Variants in MYO9B observed in about 807,000 individuals in gnomAD.
MYO9B encodes myosin IXB.
In MYO9B, 71 loss-of-function variants were observed where a neutral mutation model predicts 229.5. That is an observed-to-expected ratio of 0.31 (90% CI 0.26 to 0.38). MYO9B has a LOEUF of 0.38. Ranked by LOEUF, MYO9B falls within the 10% of genes least tolerant of loss-of-function variation. The pLI, the probability that MYO9B is intolerant of heterozygous loss-of-function variation, is 1.00. For synonymous variants in MYO9B, 1,185 were observed against 1,235.8 expected, an observed-to-expected ratio of 0.96 and a Z score of 0.86; for missense variants, 2,255 against 2,920.5, an observed-to-expected ratio of 0.77 and a Z score of 5.25.
At chr19:17,112,835 C>T (rs2057861600) in intron 2 of MYO9B, among the ~76,000 whole-genome samples, 1 of 152,258 alleles carries the variant, frequency 6.6e-6, no homozygotes. Flanking sequence ...CAGCCAGGCA[C>T]TCACCCAGCC....
chr19:17,183,896 CA>C, intron 16 of MYO9B, 28 bp downstream of exon 16: 1 of 1,550,942 alleles, frequency 6.4e-7, no homozygotes, highest in East Asian at 2.3e-5. Context: ...CCCCGCGCGA[CA>C]CGTTCCAAGA....
chr19:17,147,112 A>G (rs990182005), intron 3 of MYO9B, among the ~76,000 whole-genome samples: 53 of 151,974 alleles, frequency 3.5e-4, no homozygotes, highest in Admixed American at 1.3e-4. Flanking sequence ...TGGCCCCCCA[A>G]CTCCTACCAC....
chr19:17,208,994 C>G (rs928115563), intron 35 of MYO9B, among the ~76,000 whole-genome samples: 1 of 152,088 alleles, frequency 6.6e-6, no homozygotes, highest in African/African-American at 2.4e-5. Flanking sequence ...CTGAGTCCCT[C>G]TGGTACTGAC....
intron 35 of MYO9B, 58 bp from the exon 36 acceptor site, chr19:17,209,528 C>A: frequency 1.3e-6 from 2 of 1,535,760 alleles, no homozygotes; most frequent in African/African-American, 1.4e-5. Context: ...TCTCCCTGGA[C>A]CTCAGACGTC....
intron 32 of MYO9B, 23 bp from the exon 33 acceptor site, chr19:17,206,225 G>GGGGGGCGCC: frequency 6.4e-7 from 1 of 1,564,670 alleles, no homozygotes; most frequent in Non-Finnish European, 8.7e-7. Context: ...CCGCTCACCA[G>GGGGGGCGCC]ACCCACCCCA....
At chr19:17,144,969 CAAAAAAAAAAAA>C (rs58527501) in intron 2 of MYO9B, among the ~76,000 whole-genome samples, 177 of 83,588 alleles carry the variant, frequency 2.1e-3, no homozygotes, top group African/African-American at 5.5e-3. Context: ...GACTTCATCT[CAAAAAAAAAAAA>C]AAAAAAAAAA....
chr19:17,204,379 G>A lies in MYO9B; in HGVS notation c.4991-884G>A, dbSNP rs1052574414. Among the ~76,000 whole-genome samples the A allele has an allele frequency of 2.0e-5, 3 of 149,052 alleles. No individual in the cohort carries two copies. In the East Asian group the frequency reaches 6.4e-4, roughly 32 times the overall value. On this transcript the variant is annotated intron_variant, in intron 30 of 39. Coordinates refer to ENST00000682292, the MANE Select transcript of MYO9B (RefSeq NM_004145.4). Reference sequence around the variant, plus strand: ...TTTAGACCTTTAGTTCTGCCAGTAGGTGGCCTTGGGGACTTGGGGCAAGGA... The same window carrying A: ...TTTAGACCTTTAGTTCTGCCAGTAGATGGCCTTGGGGACTTGGGGCAAGGA...
At chr19:17,093,355 A>G (rs2057656593) in intron 1 of MYO9B, among the ~76,000 whole-genome samples, 5 of 151,926 alleles carry the variant, frequency 3.3e-5, no homozygotes, top group Non-Finnish European at 5.9e-5. Flanking sequence ...AGAAAAAGAC[A>G]TATATCTTCG....
Position 17,194,870 on chromosome 19 carries a change from G to A in MYO9B, c.3443G>A (p.Arg1148His), listed in dbSNP as rs181046385. ...AAAGTCCCCAGCAGCCGGGAGAAGCGTGAGTCGCGTCGGCAAAGAGGGCTG... is the reference window on the plus strand; with the variant it reads ...AAAGTCCCCAGCAGCCGGGAGAAGCATGAGTCGCGTCGGCAAAGAGGGCTG... The part of the protein sequence containing the change: ...HEKVPSSREK[R>H]ESRRQRGLEH... The change falls in exon 22 of 40, where the codon CGT becomes CAT. Residue 1148 changes from arginine (R) to histidine (H), a missense_variant. By Grantham distance (29) the Arg-to-His change is conservative. Coordinates refer to ENST00000682292, the MANE Select transcript of MYO9B (RefSeq NM_004145.4). 2.1e-3 allele frequency: 3,313 copies of A among 1,613,314 alleles called. 6 individuals are homozygous for A. Among genetic ancestry groups the A allele is most frequent in the Middle Eastern group, 0.011 (65 of 6,062 alleles).
intron 13 of MYO9B, among the ~76,000 whole-genome samples, chr19:17,174,512 G>A (rs2072761717): frequency 6.6e-6 from 1 of 152,170 alleles, no homozygotes; most frequent in Admixed American, 6.5e-5. Context: ...GTGCATGCCT[G>A]TGGTCCCAGC....
rs143966500 is a variant in MYO9B, at chr19:17,172,936, C to G, written c.2113C>G (p.Arg705Gly). 2 of 1,598,736 alleles carry G rather than the reference C, an allele frequency of 1.3e-6. No individual in the cohort carries two copies. The highest frequency in any genetic ancestry group is 2.2e-5 in the South Asian group (2 of 91,042). ...MAVLREAGRL[R>G]AERAEKAAGM... ...AGTGCTTCGGGAGGCCGGACGCCTGCGGGCCGAGAGGGCCGAAAAGGCTGC... is the reference window on the plus strand; with the variant it reads ...AGTGCTTCGGGAGGCCGGACGCCTGGGGGCCGAGAGGGCCGAAAAGGCTGC... The change falls in exon 13 of 40, where the codon CGG (arginine) becomes GGG (glycine). Residue 705 changes from arginine to glycine, a missense_variant. Arg to Gly is a moderately radical substitution (Grantham distance 125). Coordinates refer to ENST00000682292, the MANE Select transcript of MYO9B (RefSeq NM_004145.4). The surrounding 1 kb of genome is among the most constrained non-coding windows in gnomAD (Gnocchi z 8.2).
At chr19:17,152,224 C>T (rs2072485832) in intron 3 of MYO9B, among the ~76,000 whole-genome samples, 1 of 150,288 alleles carries the variant, frequency 6.7e-6, no homozygotes, top group African/African-American at 2.4e-5. Flanking sequence ...TACCACTGCT[C>T]ACCCACTAGG....
intron 1 of MYO9B, among the ~76,000 whole-genome samples, chr19:17,084,822 T>C (rs1277555007): frequency 6.6e-6 from 1 of 151,892 alleles, no homozygotes; most frequent in South Asian, 2.1e-4. Flanking sequence ...AAACAATCGC[T>C]TGAACCCGGG....
Position 17,198,284 on chromosome 19 carries a change from C to T in MYO9B, c.4214C>T (p.Ser1405Phe). The T allele has an allele frequency of 2.5e-6, 4 of 1,613,872 alleles. No homozygotes were observed. The South Asian group carries it at 3.3e-5, about 13-fold the overall frequency. ...TCCTCCCTCCCAGACGCAGGGCTGT[C>T]CCCGGGCTCTCAGGTCGACTCTAAG... ...DASSLPDAGL[S>F]PGSQVDSKST... The change falls in exon 24 of 40, where the codon TCC becomes TTC. Residue 1405 changes from serine to phenylalanine, a missense_variant. This residue lies in a region of MYO9B where 679 missense variants were observed against 770.2 expected (regional missense o/e 0.88). Coordinates refer to ENST00000682292, the MANE Select transcript of MYO9B (RefSeq NM_004145.4).
intron 1 of MYO9B, among the ~76,000 whole-genome samples, chr19:17,096,851 G>A (rs1183405426): frequency 6.6e-6 from 1 of 150,906 alleles, no homozygotes; most frequent in African/African-American, 2.4e-5. Flanking sequence ...GACTACAGGC[G>A]CCCGCCACTG....
chr19:17,161,905 T>C (rs1568279874), intron 8 of MYO9B, among the ~76,000 whole-genome samples: 1 of 151,700 alleles, frequency 6.6e-6, no homozygotes, highest in African/African-American at 2.4e-5. Context: ...GGAAGATTGC[T>C]TGAGCCCAGG....
At chr19:17,152,567 A>G in intron 3 of MYO9B, 77 bp from the exon 4 acceptor site, 1 of 1,353,574 alleles carries the variant, frequency 7.4e-7, no homozygotes. Flanking sequence ...CCATCTCAAA[A>G]AAAAAAAAAA....
intron 2 of MYO9B, among the ~76,000 whole-genome samples, chr19:17,125,906 C>G (rs2058012571): frequency 6.6e-6 from 1 of 152,196 alleles, no homozygotes; most frequent in African/African-American, 2.4e-5. Context: ...TGGGGTGACT[C>G]TTCCACTTCC....
In MYO9B at chr19:17,093,699, G is replaced by T. The variant is rs984564629; in HGVS notation, c.-58-7961G>T. On this transcript the variant is annotated intron_variant, in intron 1 of 39. Coordinates refer to ENST00000682292, the MANE Select transcript of MYO9B (RefSeq NM_004145.4). ...GCAGTTTTTTTGCGGGGGGTGGGGG[G>T]GGGGGTGGTTTGAGATAGGTTCTTG... Among the ~76,000 whole-genome samples the T allele has an allele frequency of 6.1e-5, 8 of 130,388 alleles. 1 individual carries two copies. The highest frequency in any genetic ancestry group is 2.6e-4 in the South Asian group (1 of 3,824). The allele number at this position is 130,388 out of a possible 152,430, so 85.5% of individuals were successfully genotyped here.
Sources: allele counts gnomAD v4.1 joint callset (sites outside exome capture counted in the v4.1 genomes callset), GRCh38; gene constraint gnomAD v4.1.1; regional missense constraint gnomAD v4.1.1; non-coding constraint Gnocchi (gnomAD v3.1); transcripts MANE v1.5; gene names NCBI Gene and HGNC (gene_info 2026-07-23, HGNC 2026-07-21).